Variants in MRTFB observed in about 807,000 individuals in gnomAD.
MRTFB encodes myocardin-related transcription factor B.
In MRTFB, 29 loss-of-function variants were observed where a neutral mutation model predicts 104.2. The observed-to-expected ratio is 0.28, with a 90% CI of 0.21 to 0.38. The LOEUF (loss-of-function observed/expected upper bound fraction) is 0.38. Ranked by LOEUF, MRTFB falls within the 10% of genes least tolerant of loss-of-function variation. The pLI is 1.00. For missense variants in MRTFB, 1,270 were observed against 1,341.6 expected, an observed-to-expected ratio of 0.95 and a Z score of 0.83; for synonymous variants, 535 against 519.5, an observed-to-expected ratio of 1.03 and a Z score of -0.41.
chr16:14,197,462 A>G (rs1279703941), intron 3 of MRTFB, among the ~76,000 whole-genome samples: 1 of 152,074 alleles, frequency 6.6e-6, no homozygotes, highest in Non-Finnish European at 1.5e-5. Flanking sequence ...AATAACTCCA[A>G]ACTCCAAATT....
rs78503336 is a variant in MRTFB, at chr16:14,083,715, A to G, written c.-64+4361A>G. 5.7e-3 allele frequency among the ~76,000 whole-genome samples: 875 copies of G among 152,202 alleles called. 6 individuals are homozygous for G. The highest frequency in any genetic ancestry group is 0.02 in the African/African-American group (840 of 41,510). On this transcript the variant is annotated intron_variant, in intron 2 of 16. Coordinates refer to ENST00000571589, the MANE Select transcript of MRTFB (RefSeq NM_001308142.2). ...GCGTGTCTTTTAAAATTTTTGTGCT[A>G]TAACCAGGTACCGTAATCTGTCGTC...
At chr16:13,999,083 G>A in the MRTFB span, among the ~76,000 whole-genome samples, 5 of 151,244 alleles carry the variant, frequency 3.3e-5, no homozygotes, top group African/African-American at 1.2e-4. Context: ...CCAGCTACTC[G>A]GGAGGTTGAG....
chr16:14,141,631 A>G (rs948269196), intron 3 of MRTFB: 12 of 152,132 alleles, frequency 7.9e-5, no homozygotes, highest in African/African-American at 2.9e-4. Context: ...CTTGTCACTT[A>G]CTTTCCTGGG....
upstream of MRTFB, among the ~76,000 whole-genome samples, chr16:14,067,677 T>C (rs2033538203): frequency 6.6e-6 from 1 of 152,220 alleles, no homozygotes. Flanking sequence ...TAAAGCAGAC[T>C]GCCCCTCCCT....
the MRTFB span, among the ~76,000 whole-genome samples, chr16:14,046,460 T>C: frequency 6.6e-6 from 1 of 152,198 alleles, no homozygotes; most frequent in African/African-American, 2.4e-5. Context: ...TGGCTTTCAT[T>C]GGACACCAGT....
At chr16:14,240,550 T>C (rs766624668) in intron 10 of MRTFB, 66 bp downstream of exon 10, 1 of 1,610,134 alleles carries the variant, frequency 6.2e-7, no homozygotes, top group South Asian at 1.1e-5. Context: ...GAACTATAAG[T>C]TACCAAAAGT....
intron 2 of MRTFB, among the ~76,000 whole-genome samples, chr16:14,128,378 G>A (rs1376767552): frequency 1.3e-5 from 2 of 152,134 alleles, no homozygotes; most frequent in Non-Finnish European, 2.9e-5. Context: ...AACTGGGCAG[G>A]AGCTGGCCCA....
chr16:14,134,945 T>A (rs976558709), intron 2 of MRTFB, among the ~76,000 whole-genome samples: 4 of 152,236 alleles, frequency 2.6e-5, no homozygotes, highest in Non-Finnish European at 5.9e-5. Context: ...TTAAGGAAAG[T>A]CTAGATTAGA....
chr16:14,235,865 T>C (rs1325055193), intron 9 of MRTFB, among the ~76,000 whole-genome samples: 3 of 152,210 alleles, frequency 2.0e-5, no homozygotes, highest in African/African-American at 7.2e-5. Context: ...TTCATTCTTA[T>C]GATCAGTTTT....
intron 3 of MRTFB, among the ~76,000 whole-genome samples, chr16:14,182,261 A>G (rs936746136): frequency 3.9e-5 from 6 of 152,182 alleles, no homozygotes; most frequent in Non-Finnish European, 8.8e-5. Context: ...GAGGCAGGCC[A>G]GTGTAGAGTG....
chr16:14,176,003 A>G (rs541488144), intron 3 of MRTFB, among the ~76,000 whole-genome samples: 2 of 152,362 alleles, frequency 1.3e-5, no homozygotes, highest in South Asian at 2.1e-4. Flanking sequence ...AAATTATCCT[A>G]TATCTTAAAT....
chr16:14,143,884 AG>A (rs1247341492), intron 3 of MRTFB: 65 of 152,324 alleles, frequency 4.3e-4, no homozygotes, highest in African/African-American at 1.4e-3. Context: ...CCTAGTGAAA[AG>A]GAGGTTACCC....
Position 14,217,283 on chromosome 16 carries a change from T to C in MRTFB, c.510T>C (p.Ile170=), listed in dbSNP as rs751634027. ...TGGACTCCAGTGTTAAAGAAGCAATTATAGGCAAGACTCTAAAAATTTACT... is the reference window on the plus strand; with the variant it reads ...TGGACTCCAGTGTTAAAGAAGCAATCATAGGCAAGACTCTAAAAATTTACT... ...LPVDSSVKEA[I]IGVGKEDYPH... is the part of the protein sequence containing the mutation. Residue 170 remains isoleucine (I), a synonymous_variant, in exon 7 of 17, where the codon ATT becomes ATC. Transcript: ENST00000571589. The C allele has an allele frequency of 9.4e-6, 15 of 1,597,194 alleles. No homozygotes were observed. The highest frequency in any genetic ancestry group is 1.4e-5 in the African/African-American group (1 of 74,058).
At chr16:14,258,755 T>C (rs2043626450) in intron 16 of MRTFB, among the ~76,000 whole-genome samples, 1 of 152,252 alleles carries the variant, frequency 6.6e-6, no homozygotes, top group Admixed American at 6.5e-5. Context: ...TGGGCTCCAG[T>C]ATCTTTATTA....
chr16:14,145,992 G>A (rs1053306275), intron 3 of MRTFB, among the ~76,000 whole-genome samples: 2 of 152,246 alleles, frequency 1.3e-5, no homozygotes, highest in South Asian at 2.1e-4. Context: ...GTGCAAGACC[G>A]GTAAGCTGAC....
At chr16:14,217,309 A>AT in intron 7 of MRTFB, 22 bp downstream of exon 7, 1 of 1,567,350 alleles carries the variant, frequency 6.4e-7, no homozygotes, top group Non-Finnish European at 8.6e-7. Flanking sequence ...AAAATTTACT[A>AT]TTTGGGGTGA....
rs1159997365 is a variant in MRTFB, at chr16:14,266,004, A to T, written c.*4560A>T. Reference sequence around the variant, plus strand: ...TCTTGCTAATTTGGTAGGAAGAGGAAGCATTTAGGAAAGGGTTTAGTATCT... The same window carrying T: ...TCTTGCTAATTTGGTAGGAAGAGGATGCATTTAGGAAAGGGTTTAGTATCT... On this transcript the variant is annotated 3_prime_UTR_variant, in exon 17 of 17. Coordinates refer to ENST00000571589, the MANE Select transcript of MRTFB (RefSeq NM_001308142.2). 1 of 152,220 alleles carries T rather than the reference A, an allele frequency of 6.6e-6. No homozygotes were observed. Among genetic ancestry groups the T allele is most frequent in the East Asian group, 1.9e-4 (1 of 5,208 alleles). The allele number at this position is 152,220 out of a possible 1,614,324, so 9.4% of individuals were successfully genotyped here. A position where few individuals can be genotyped will look rare whatever the true frequency, so the allele number is the denominator to read the frequency against.
In MRTFB at chr16:14,217,043, A is replaced by G. The variant is rs890593548; in HGVS notation, c.353-83A>G. 2.2e-6 allele frequency: 3 copies of G among 1,388,898 alleles called. No individual in the cohort carries two copies. In the African/African-American group the frequency reaches 4.3e-5, roughly 20 times the overall value. 86.0% of individuals were successfully genotyped at this position (1,388,898 alleles called of 1,614,324 possible). Reference sequence around the variant, plus strand: ...ACAAAAATGTGTCTAAATCAGTTTAAATTCAGTTTGTTGGCCTGAAATAAC... The same window carrying G: ...ACAAAAATGTGTCTAAATCAGTTTAGATTCAGTTTGTTGGCCTGAAATAAC... On this transcript the variant is annotated intron_variant, in intron 6 of 16. Transcript: ENST00000571589.
the MRTFB span, among the ~76,000 whole-genome samples, chr16:14,029,993 G>T: frequency 1.3e-5 from 2 of 151,878 alleles, no homozygotes; most frequent in Admixed American, 1.3e-4. Flanking sequence ...TGGATGCTGG[G>T]CATGGGGAGG....
Sources: allele counts gnomAD v4.1 joint callset (sites outside exome capture counted in the v4.1 genomes callset), GRCh38; gene constraint gnomAD v4.1.1; transcripts MANE v1.5; gene names NCBI Gene and HGNC (gene_info 2026-07-23, HGNC 2026-07-21).